CSMD3: variants seen among roughly 807,000 people sequenced by gnomAD.
CSMD3 encodes CUB and Sushi multiple domains 3.
CSMD3 carries 177 observed loss-of-function variants against 435.2 expected under a neutral mutation model. The ratio of observed to expected loss-of-function variants is 0.41; its 90% CI spans 0.36 to 0.46. CSMD3 has a LOEUF of 0.46. Among genes scored for constraint, CSMD3 ranks in the 20% least tolerant of loss-of-function variants. CSMD3 has a pLI of 0.34. For missense variants in CSMD3, 4,265 were observed against 4,504.6 expected, an observed-to-expected ratio of 0.95 and a Z score of 1.52; for synonymous variants, 1,656 against 1,520.5, an observed-to-expected ratio of 1.09 and a Z score of -2.07.
chr8:112,717,846 A>C (rs1355335021), intron 13 of CSMD3, among the ~76,000 whole-genome samples: 1 of 152,092 alleles, frequency 6.6e-6, no homozygotes, highest in Non-Finnish European at 1.5e-5. Flanking sequence ...CTCACTGAAA[A>C]GTAGGAGTTG....
chr8:112,363,365 A>G (rs1827443796), intron 38 of CSMD3, among the ~76,000 whole-genome samples: 1 of 151,958 alleles, frequency 6.6e-6, no homozygotes. Flanking sequence ...TCTTGTCACG[A>G]AGGGTATATT....
chr8:112,485,598 T>C (rs1330971012), intron 31 of CSMD3, among the ~76,000 whole-genome samples: 1 of 152,116 alleles, frequency 6.6e-6, no homozygotes, highest in Non-Finnish European at 1.5e-5. Context: ...ACAAAATATC[T>C]GAAATAAAAG....
chr8:113,324,869 A>G (rs1230276910), intron 1 of CSMD3, among the ~76,000 whole-genome samples: 4 of 152,236 alleles, frequency 2.6e-5, no homozygotes, highest in Non-Finnish European at 4.4e-5. Context: ...CAAGACCATG[A>G]GAACCCACCT....
chr8:112,486,579 A>G (rs1013269932), intron 31 of CSMD3, among the ~76,000 whole-genome samples: 1 of 152,104 alleles, frequency 6.6e-6, no homozygotes, highest in Non-Finnish European at 1.5e-5. Context: ...TTCCACCAGC[A>G]TTTCCTATTT....
Position 112,651,541 on chromosome 8 carries a change from A to ATT in CSMD3, c.3005-1194_3005-1193dup, listed in dbSNP as rs1254096334. 2.8e-3 allele frequency among the ~76,000 whole-genome samples: 385 copies of ATT among 137,298 alleles called. 2 individuals are homozygous for ATT. The highest frequency in any genetic ancestry group is 8.3e-3 in the African/African-American group (314 of 37,620). 90.1% of individuals were successfully genotyped at this position (137,298 alleles called of 152,430 possible). ...CATTATTTTTCTAAGCACCCAGTGC[A>ATT]TTTTTTTTTTTTTTTTGACGGAGTC... On this transcript the variant is annotated intron_variant, in intron 18 of 70. Coordinates refer to ENST00000297405, the MANE Select transcript of CSMD3 (RefSeq NM_198123.2).
At chr8:112,258,634 C>A (rs527850111) in intron 61 of CSMD3, among the ~76,000 whole-genome samples, 1 of 152,110 alleles carries the variant, frequency 6.6e-6, no homozygotes, top group Admixed American at 6.5e-5. Context: ...ACAATAGATG[C>A]CGGAGAGGAT....
At chr8:112,482,427 A>T (rs1158772104) in intron 31 of CSMD3, among the ~76,000 whole-genome samples, 1 of 152,230 alleles carries the variant, frequency 6.6e-6, no homozygotes, top group African/African-American at 2.4e-5. Context: ...TGTACAATTG[A>T]ATGCTTTTTA....
chr8:113,302,265 A>G (rs993983987), intron 2 of CSMD3, among the ~76,000 whole-genome samples: 2 of 94,290 alleles, frequency 2.1e-5, no homozygotes, highest in African/African-American at 4.3e-5. Context: ...TATAAAATAT[A>G]TATAATATAT....
intron 32 of CSMD3, among the ~76,000 whole-genome samples, chr8:112,456,877 T>C (rs1437771180): frequency 2.0e-5 from 3 of 152,030 alleles, no homozygotes; most frequent in Non-Finnish European, 2.9e-5. Context: ...TCAAACATGA[T>C]GCAAAGAAAC....
intron 70 of CSMD3, among the ~76,000 whole-genome samples, chr8:112,226,260 A>C (rs1394849669): frequency 6.6e-6 from 1 of 152,164 alleles, no homozygotes; most frequent in Non-Finnish European, 1.5e-5. Context: ...CTACTGGATC[A>C]TATTTTTTTT....
intron 4 of CSMD3, among the ~76,000 whole-genome samples, chr8:113,136,490 A>C (rs756199773): frequency 9.2e-5 from 14 of 151,756 alleles, no homozygotes; most frequent in Non-Finnish European, 1.8e-4. Flanking sequence ...GAGGTAGACA[A>C]AGGCAAAATC....
chr8:112,451,076 T>C (rs1436221068), intron 32 of CSMD3, among the ~76,000 whole-genome samples: 2 of 152,102 alleles, frequency 1.3e-5, no homozygotes, highest in Non-Finnish European at 2.9e-5. Flanking sequence ...CTATTAAAAA[T>C]CATGATGATG....
chr8:112,431,407 A>C (rs1389857242), intron 32 of CSMD3, among the ~76,000 whole-genome samples: 1 of 152,144 alleles, frequency 6.6e-6, no homozygotes, highest in African/African-American at 2.4e-5. Context: ...TTTTTTAAGA[A>C]TAATTTTCTA....
intron 27 of CSMD3, among the ~76,000 whole-genome samples, chr8:112,524,386 TCTGA>T (rs1225601038): frequency 1.3e-5 from 2 of 151,932 alleles, no homozygotes; most frequent in Admixed American, 6.6e-5. Flanking sequence ...TCACATTACT[TCTGA>T]CTGACACTAT....
intron 4 of CSMD3, among the ~76,000 whole-genome samples, chr8:113,122,359 T>C (rs1273636742): frequency 4.6e-5 from 7 of 152,148 alleles, no homozygotes; most frequent in African/African-American, 1.7e-4. Context: ...GAACAATGTG[T>C]GTTAGGCAGG....
chr8:112,488,730 C>A (rs990211703), intron 31 of CSMD3, among the ~76,000 whole-genome samples: 1 of 152,120 alleles, frequency 6.6e-6, no homozygotes, highest in Non-Finnish European at 1.5e-5. Context: ...ACTAGAATAA[C>A]CCCAAATAAT....
chr8:113,372,759 C>G (rs1025415361), intron 1 of CSMD3, among the ~76,000 whole-genome samples: 3 of 151,950 alleles, frequency 2.0e-5, no homozygotes, highest in African/African-American at 7.2e-5. Context: ...AGGTGAAACC[C>G]CGTCTCTAAC....
At chr8:113,384,171 T>C (rs2094429832) in intron 1 of CSMD3, among the ~76,000 whole-genome samples, 1 of 152,190 alleles carries the variant, frequency 6.6e-6, no homozygotes, top group African/African-American at 2.4e-5. Context: ...TCATAGTCTA[T>C]AATAATTATT....
intron 4 of CSMD3, among the ~76,000 whole-genome samples, chr8:113,153,833 T>C (rs1006037359): frequency 6.6e-6 from 1 of 152,050 alleles, no homozygotes; most frequent in African/African-American, 2.4e-5. Context: ...AAAAAATGTA[T>C]GCCATTTTTT....
Sources: allele counts gnomAD v4.1 joint callset (sites outside exome capture counted in the v4.1 genomes callset), GRCh38; gene constraint gnomAD v4.1.1; transcripts MANE v1.5; gene names NCBI Gene and HGNC (gene_info 2026-07-23, HGNC 2026-07-21).